Variants in CADM1 observed in about 807,000 individuals in gnomAD.
CADM1 encodes the protein TSLC-1.
In CADM1, 15 loss-of-function variants were observed where a neutral mutation model predicts 53.1. That is an observed-to-expected ratio of 0.28 (90% confidence interval 0.19 to 0.44). The LOEUF (loss-of-function observed/expected upper bound fraction) is 0.44, where lower values mean the gene tolerates loss of function less well. Ranked by LOEUF, CADM1 falls within the 20% of genes least tolerant of loss-of-function variation. The probability of loss-of-function intolerance (pLI) is 1.00; values close to 1 mark genes in which losing one functional copy is unlikely to be tolerated. For synonymous variants in CADM1, 281 were observed against 243.0 expected, an observed-to-expected ratio of 1.16 and a Z score of -1.45; for missense variants, 434 against 611.3, an observed-to-expected ratio of 0.71 and a Z score of 3.06.
chr11:115,392,874 G>C (rs1946872871), intron 1 of CADM1, among the ~76,000 whole-genome samples: 1 of 151,772 alleles, frequency 6.6e-6, no homozygotes. Flanking sequence ...AAATCTAGAG[G>C]ATTAAAAGTG....
At chr11:115,310,910 G>A (rs914434802) in intron 1 of CADM1, among the ~76,000 whole-genome samples, 7 of 152,192 alleles carry the variant, frequency 4.6e-5, no homozygotes, top group East Asian at 3.9e-4. Context: ...ATAAAAGTCT[G>A]TGGCATCTTA....
At chr11:115,498,568 A>T (rs965138370) in intron 1 of CADM1, among the ~76,000 whole-genome samples, 2 of 152,248 alleles carry the variant, frequency 1.3e-5, no homozygotes, top group Non-Finnish European at 2.9e-5. Flanking sequence ...GTATTTGCAC[A>T]ACAATAAAAC....
At chr11:115,455,481 A>G (rs961468814) in intron 1 of CADM1, among the ~76,000 whole-genome samples, 1 of 152,102 alleles carries the variant, frequency 6.6e-6, no homozygotes, top group Non-Finnish European at 1.5e-5. Flanking sequence ...ATAGTAATGT[A>G]CTAAGAACTC....
intron 1 of CADM1, among the ~76,000 whole-genome samples, chr11:115,319,697 G>A (rs1386923298): frequency 1.3e-5 from 2 of 152,074 alleles, no homozygotes; most frequent in Non-Finnish European, 2.9e-5. Context: ...ACTGCTCAAG[G>A]GAGCAATTGA....
At chr11:115,243,711 A>G (rs965353883) in intron 1 of CADM1, among the ~76,000 whole-genome samples, 1 of 152,228 alleles carries the variant, frequency 6.6e-6, no homozygotes, top group African/African-American at 2.4e-5. Flanking sequence ...TGAAATAGAT[A>G]TCATGACAAT....
chr11:115,433,127 C>G (rs1017932627), intron 1 of CADM1, among the ~76,000 whole-genome samples: 5 of 151,956 alleles, frequency 3.3e-5, no homozygotes, highest in Non-Finnish European at 7.4e-5. Flanking sequence ...CACAGACCAC[C>G]CCCCCACCCA....
chr11:115,344,089 A>T (rs1229672088), intron 1 of CADM1, among the ~76,000 whole-genome samples: 1 of 86 alleles, frequency 0.012, no homozygotes, highest in Admixed American at 0.12. Context: ...ACTATGCTCA[A>T]TTCACTTCTG....
At chr11:115,252,504 T>C (rs1942638596) in intron 1 of CADM1, among the ~76,000 whole-genome samples, 1 of 152,232 alleles carries the variant, frequency 6.6e-6, no homozygotes, top group African/African-American at 2.4e-5. Flanking sequence ...CAAACATTTA[T>C]ATTGAATTGC....
At chr11:115,473,061 C>T (rs1949050009) in intron 1 of CADM1, among the ~76,000 whole-genome samples, 1 of 152,162 alleles carries the variant, frequency 6.6e-6, no homozygotes, top group Non-Finnish European at 1.5e-5. Flanking sequence ...TCAGAAAACT[C>T]GCCCTAGTTT....
Position 115,175,595 on chromosome 11 carries a change from C to T in CADM1, c.*879G>A, listed in dbSNP as rs543972819. On this transcript the variant is annotated 3_prime_UTR_variant, in exon 12 of 12. Transcript: ENST00000331581. ...CTTATATAAAAGGAACAGACCTCAC[C>T]TGTCAGGTCTGTTTAGGGCATGGAA... 9.1e-6 allele frequency: 9 copies of T among 985,546 alleles called. No individual in the cohort carries two copies. In the African/African-American group the frequency reaches 1.2e-4, roughly 13 times the overall value. The allele number at this position is 985,546 out of a possible 1,614,324, so 61.1% of individuals were successfully genotyped here.
chr11:115,215,644 G>GA (rs1941149364), intron 6 of CADM1, among the ~76,000 whole-genome samples: 1 of 152,156 alleles, frequency 6.6e-6, no homozygotes, highest in Non-Finnish European at 1.5e-5. Context: ...TATCCATCAG[G>GA]AAAAAGCAAA....
chr11:115,450,493 G>A (rs939107046), intron 1 of CADM1, among the ~76,000 whole-genome samples: 2 of 152,158 alleles, frequency 1.3e-5, no homozygotes, highest in African/African-American at 4.8e-5. Context: ...ACGTTTCATT[G>A]AATTTTACAC....
At chr11:115,398,682 C>G (rs1947063319) in intron 1 of CADM1, among the ~76,000 whole-genome samples, 1 of 152,112 alleles carries the variant, frequency 6.6e-6, no homozygotes, top group Non-Finnish European at 1.5e-5. Flanking sequence ...CAATATTTTC[C>G]CAACCTAATA....
At chr11:115,278,044 C>G in intron 1 of CADM1, among the ~76,000 whole-genome samples, 1 of 152,084 alleles carries the variant, frequency 6.6e-6, no homozygotes, top group East Asian at 1.9e-4. Context: ...ATTTTCATCC[C>G]CTGCAGAGAA....
chr11:115,373,006 G>C (rs1946346787), intron 1 of CADM1, among the ~76,000 whole-genome samples: 1 of 152,208 alleles, frequency 6.6e-6, no homozygotes, highest in African/African-American at 2.4e-5. Context: ...AAGGGTACAA[G>C]GACATAAATT....
chr11:115,347,537 T>C (rs972050905), intron 1 of CADM1, among the ~76,000 whole-genome samples: 1 of 152,204 alleles, frequency 6.6e-6, no homozygotes, highest in Non-Finnish European at 1.5e-5. Flanking sequence ...CATTATAAAA[T>C]TAAACTTTAC....
intron 1 of CADM1, among the ~76,000 whole-genome samples, chr11:115,281,887 C>T (rs1159571519): frequency 6.6e-6 from 1 of 151,828 alleles, no homozygotes; most frequent in Non-Finnish European, 1.5e-5. Flanking sequence ...AACACCATGT[C>T]ACTGACATTT....
intron 1 of CADM1, among the ~76,000 whole-genome samples, chr11:115,251,913 C>G (rs1015052341): frequency 7.2e-5 from 11 of 152,208 alleles, no homozygotes; most frequent in Non-Finnish European, 1.5e-4. Context: ...CTTATGCCTG[C>G]TGACTCCCCA....
chr11:115,328,391 TAA>T (rs1305863891), intron 1 of CADM1, among the ~76,000 whole-genome samples: 1 of 151,984 alleles, frequency 6.6e-6, no homozygotes, highest in Non-Finnish European at 1.5e-5. Context: ...CAATTATTTA[TAA>T]AGTTATTGTT....
Sources: allele counts gnomAD v4.1 joint callset (sites outside exome capture counted in the v4.1 genomes callset), GRCh38; gene constraint gnomAD v4.1.1; transcripts MANE v1.5; gene names NCBI Gene and HGNC (gene_info 2026-07-23, HGNC 2026-07-21).